SLC49A4: variants seen among roughly 807,000 people sequenced by gnomAD.
SLC49A4 encodes disrupted in renal cancer protein 2.
In SLC49A4, 36 loss-of-function variants were observed where a neutral mutation model predicts 50.6. That is an observed-to-expected ratio of 0.71 (90% CI 0.55 to 0.94). The LOEUF is 0.94. Ranked by LOEUF, SLC49A4 falls within the 40% of genes least tolerant of loss-of-function variation. SLC49A4 has a pLI of 0.00. For synonymous variants in SLC49A4, 248 were observed against 241.2 expected, an observed-to-expected ratio of 1.03 and a Z score of -0.26; for missense variants, 503 against 605.7, an observed-to-expected ratio of 0.83 and a Z score of 1.78.
At chr3:122,855,732 A>G (rs901838531) in intron 5 of SLC49A4, among the ~76,000 whole-genome samples, 5 of 152,242 alleles carry the variant, frequency 3.3e-5, no homozygotes, top group African/African-American at 1.2e-4. Flanking sequence ...TGGGTACTGT[A>G]TACAAATTAT....
At chr3:122,823,363 G>C (rs1385518942) in intron 2 of SLC49A4, among the ~76,000 whole-genome samples, 1 of 152,230 alleles carries the variant, frequency 6.6e-6, no homozygotes, top group Non-Finnish European at 1.5e-5. Flanking sequence ...AGGGCCAGAG[G>C]TCAGAAGAGA....
chr3:122,862,740 A>G (rs1937072660), intron 7 of SLC49A4, among the ~76,000 whole-genome samples: 2 of 152,174 alleles, frequency 1.3e-5, no homozygotes, highest in South Asian at 4.1e-4. Flanking sequence ...TAAGTGTAGA[A>G]TTTTTATTAT....
At chr3:122,870,195 A>G (rs1349778826) in intron 7 of SLC49A4, among the ~76,000 whole-genome samples, 2 of 152,078 alleles carry the variant, frequency 1.3e-5, no homozygotes, top group Non-Finnish European at 2.9e-5. Flanking sequence ...GGAATTTGGG[A>G]ATCTTTACTC....
At chr3:122,864,129 G>C (rs888079583) in intron 7 of SLC49A4, among the ~76,000 whole-genome samples, 4 of 152,136 alleles carry the variant, frequency 2.6e-5, no homozygotes, top group African/African-American at 9.7e-5. Context: ...CATCTCTACA[G>C]AATAAAAACT....
At chr3:122,806,164 T>A (rs1422029932) in intron 1 of SLC49A4, among the ~76,000 whole-genome samples, 4 of 152,208 alleles carry the variant, frequency 2.6e-5, no homozygotes, top group African/African-American at 9.6e-5. Context: ...AGTTTTTTTT[T>A]ATTAGCAGCT....
chr3:122,829,897 G>A (rs1696523770), intron 3 of SLC49A4, among the ~76,000 whole-genome samples: 1 of 152,186 alleles, frequency 6.6e-6, no homozygotes, highest in African/African-American at 2.4e-5. Flanking sequence ...GATTGTAAGG[G>A]AAGTAGTAAA....
intron 2 of SLC49A4, among the ~76,000 whole-genome samples, chr3:122,808,187 G>A (rs1220132842): frequency 6.6e-5 from 10 of 152,026 alleles, no homozygotes; most frequent in South Asian, 2.1e-4. Context: ...ATATTACATA[G>A]TACATAGTAA....
chr3:122,806,708 GT>G (rs35035359), intron 1 of SLC49A4, 148 bp from the exon 2 acceptor site: 15,926 of 458,090 alleles, frequency 0.035, no homozygotes, highest in East Asian at 0.049. Flanking sequence ...AGGGTTCGTT[GT>G]TTTTTTTTTT....
At chr3:122,867,912 G>A (rs937097125) in intron 7 of SLC49A4, among the ~76,000 whole-genome samples, 3 of 151,016 alleles carry the variant, frequency 2.0e-5, no homozygotes, top group Non-Finnish European at 4.4e-5. Flanking sequence ...TCAGGAGATC[G>A]AGACCATCCT....
At chr3:122,826,232 T>C (rs1936525743) in intron 2 of SLC49A4, among the ~76,000 whole-genome samples, 1 of 152,204 alleles carries the variant, frequency 6.6e-6, no homozygotes, top group Non-Finnish European at 1.5e-5. Context: ...TTTTAATGAG[T>C]CTTTCATTTT....
chr3:122,833,585 A>G, intron 4 of SLC49A4, 139 bp downstream of exon 4: 2 of 732,380 alleles, frequency 2.7e-6, no homozygotes, highest in Non-Finnish European at 3.9e-6. Flanking sequence ...TACTAATTGA[A>G]TATTTTAGAT....
intron 7 of SLC49A4, among the ~76,000 whole-genome samples, chr3:122,863,619 T>C (rs916724022): frequency 5.9e-5 from 9 of 152,248 alleles, no homozygotes; most frequent in African/African-American, 1.4e-4. Context: ...AATCTAATTA[T>C]AGACAAATCT....
At chr3:122,860,730 G>A (rs879574549) in intron 7 of SLC49A4, among the ~76,000 whole-genome samples, 2 of 152,176 alleles carry the variant, frequency 1.3e-5, no homozygotes, top group Non-Finnish European at 2.9e-5. Context: ...TTTAGTTGCT[G>A]TTGTTTTTCT....
intron 1 of SLC49A4, among the ~76,000 whole-genome samples, chr3:122,800,627 A>C (rs1936116587): frequency 6.6e-6 from 1 of 152,216 alleles, no homozygotes; most frequent in Non-Finnish European, 1.5e-5. Flanking sequence ...GTAGCCATGT[A>C]GGCAAGATGG....
At chr3:122,818,429 A>G (rs1936407198) in intron 2 of SLC49A4, among the ~76,000 whole-genome samples, 1 of 152,164 alleles carries the variant, frequency 6.6e-6, no homozygotes, top group South Asian at 2.1e-4. Flanking sequence ...TATTCCATTT[A>G]TAGATGATTT....
At chr3:122,811,209 A>G (rs1476363110) in intron 2 of SLC49A4, among the ~76,000 whole-genome samples, 1 of 152,250 alleles carries the variant, frequency 6.6e-6, no homozygotes, top group African/African-American at 2.4e-5. Context: ...CAATAAGAAA[A>G]ATAGCAACTC....
chr3:122,874,189 C>G (rs758736475), intron 8 of SLC49A4, among the ~76,000 whole-genome samples: 6 of 152,178 alleles, frequency 3.9e-5, no homozygotes, highest in Non-Finnish European at 8.8e-5. Flanking sequence ...CCTAAACTGT[C>G]TTACTGCAGC....
chr3:122,807,784 A>C (rs1936243863), intron 2 of SLC49A4, among the ~76,000 whole-genome samples: 1 of 152,178 alleles, frequency 6.6e-6, no homozygotes, highest in African/African-American at 2.4e-5. Flanking sequence ...AGAATGGGAT[A>C]TAAAAAGATG....
intron 3 of SLC49A4, among the ~76,000 whole-genome samples, chr3:122,827,340 T>C (rs1258373617): frequency 6.6e-6 from 1 of 152,252 alleles, no homozygotes; most frequent in East Asian, 1.9e-4. Flanking sequence ...AAGTACTGTA[T>C]AACACATTTT....
Sources: allele counts gnomAD v4.1 joint callset (sites outside exome capture counted in the v4.1 genomes callset), GRCh38; gene constraint gnomAD v4.1.1; transcripts MANE v1.5; gene names NCBI Gene and HGNC (gene_info 2026-07-23, HGNC 2026-07-21).